The following CERT1 variants were observed in gnomAD, a reference collection of about 807,000 sequenced individuals.
The protein encoded by CERT1 is ceramide transporter 1.
Under a neutral mutation model 87.9 loss-of-function variants are expected in CERT1, and 31 were observed. That is an observed-to-expected ratio of 0.35 (90% confidence interval 0.27 to 0.48). The LOEUF (loss-of-function observed/expected upper bound fraction) is 0.48, where lower values mean the gene tolerates loss of function less well. Among genes scored for constraint, CERT1 ranks in the 20% least tolerant of loss-of-function variants. CERT1 has a pLI of 0.99. For synonymous variants in CERT1, 289 were observed against 250.9 expected (o/e 1.15, Z -1.44); for missense variants, 487 against 758.0 (o/e 0.64, Z 4.20).
intron 3 of CERT1, among the ~76,000 whole-genome samples, chr5:75,432,611 T>G (rs146202969): frequency 1.5e-3 from 222 of 152,348 alleles, no homozygotes; most frequent in Non-Finnish European, 2.2e-3. Flanking sequence ...AGACCTTTGT[T>G]GTATGCATAG....
intron 2 of CERT1, among the ~76,000 whole-genome samples, chr5:75,486,319 C>T (rs563944396): frequency 6.6e-6 from 1 of 152,036 alleles, no homozygotes; most frequent in Non-Finnish European, 1.5e-5. Flanking sequence ...AAAACCCTCA[C>T]AAAACTGGGC....
chr5:75,511,779 G>T (rs757993663), upstream of CERT1: 2 of 1,551,384 alleles, frequency 1.3e-6, no homozygotes, highest in East Asian at 2.4e-5. Context: ...CCCGGGTGAC[G>T]ACGGGTAGAA....
Position 75,386,003 on chromosome 5 carries a change from A to C in CERT1, c.1316T>G (p.Ile439Ser), listed in dbSNP as rs1761770211. 1.3e-6 allele frequency: 2 copies of C among 1,582,862 alleles called. No homozygotes were observed. The highest frequency in any genetic ancestry group is 1.7e-6 in the Non-Finnish European group (2 of 1,164,658). ...GGTAGCTTTTAAAGGATCCAGAACA[A>C]TCCCATTTTCTTCTACTTCTCTTCT... ...VYRREVEENGIVLDPLKATHA... is the reference protein window; with the variant it reads ...VYRREVEENGSVLDPLKATHA... The change falls in exon 13 of 17, where the codon ATT becomes AGT. Residue 439 changes from isoleucine (I) to serine (S), a missense_variant. Physicochemically the swap from Ile to Ser is moderately radical, Grantham distance 142. This residue lies in a region of CERT1 where 147 missense variants were observed against 200.8 expected (regional missense o/e 0.73). Transcript: ENST00000643780.
Position 75,511,514 on chromosome 5 carries a change from C to A in CERT1, c.-307G>T. The A allele has an allele frequency of 1.4e-6, 2 of 1,473,414 alleles. No individual in the cohort carries two copies. The highest frequency in any genetic ancestry group is 1.8e-6 in the Non-Finnish European group (2 of 1,113,890). The allele number at this position is 1,473,414 out of a possible 1,614,324, so 91.3% of individuals were successfully genotyped here. A position where few individuals can be genotyped will look rare whatever the true frequency, so the allele number is the denominator to read the frequency against. ...CACCCGAACTTAGCCCCCTCGATGCCAATTTCAAATAGGGAAGGAAAAGGG... is the reference window on the plus strand; with the variant it reads ...CACCCGAACTTAGCCCCCTCGATGCAAATTTCAAATAGGGAAGGAAAAGGG... On this transcript the variant is annotated 5_prime_UTR_variant, in exon 1 of 17. Coordinates refer to ENST00000643780, the MANE Select transcript of CERT1 (RefSeq NM_001379029.1).
chr5:75,480,100 C>A (rs1172271502), intron 2 of CERT1, among the ~76,000 whole-genome samples: 1 of 152,074 alleles, frequency 6.6e-6, no homozygotes, highest in African/African-American at 2.4e-5. Flanking sequence ...CTAGACAACC[C>A]CTTGGCCCTT....
Position 75,386,149 on chromosome 5 carries a change from G to T in CERT1, c.1285-115C>A, listed in dbSNP as rs75952141. On this transcript the variant is annotated intron_variant, in intron 12 of 16. Coordinates refer to ENST00000643780, the MANE Select transcript of CERT1 (RefSeq NM_001379029.1). ...AGATTTTTATGAAAGTCTATTTATA[G>T]AACATATTCTGCTAAAAGAAAATTA... 4.4e-3 allele frequency: 3,371 copies of T among 764,086 alleles called. 92 individuals carry two copies. The African/African-American group carries it at 0.055, about 12-fold the overall frequency. The allele number at this position is 764,086 out of a possible 1,614,324, so 47.3% of individuals were successfully genotyped here.
At chr5:75,461,099 T>C (rs1160415588) in intron 2 of CERT1, among the ~76,000 whole-genome samples, 1 of 152,178 alleles carries the variant, frequency 6.6e-6, no homozygotes, top group Non-Finnish European at 1.5e-5. Flanking sequence ...TGAGAATAGC[T>C]TCTTGGAGGA....
At chr5:75,450,775 C>A (rs1764739223) in intron 3 of CERT1, among the ~76,000 whole-genome samples, 1 of 152,140 alleles carries the variant, frequency 6.6e-6, no homozygotes, top group Admixed American at 6.5e-5. Flanking sequence ...TTGAATCCAC[C>A]AATGACCTTG....
intron 2 of CERT1, among the ~76,000 whole-genome samples, chr5:75,460,957 C>T (rs1765199354): frequency 6.6e-6 from 1 of 152,132 alleles, no homozygotes; most frequent in Admixed American, 6.5e-5. Flanking sequence ...AAGGGAAAAA[C>T]AATGCATATC....
intron 3 of CERT1, among the ~76,000 whole-genome samples, chr5:75,450,402 T>C (rs973871749): frequency 2.0e-5 from 3 of 152,166 alleles, no homozygotes; most frequent in Non-Finnish European, 4.4e-5. Flanking sequence ...TAACAGCACA[T>C]GGCAGAGAGT....
At chr5:75,389,554 A>G in intron 12 of CERT1, 38 bp downstream of exon 12, 1 of 1,477,236 alleles carries the variant, frequency 6.8e-7, no homozygotes. Context: ...TGAAACAGAG[A>G]CGCCTTTGGC....
chr5:75,426,699 C>T (rs1763633872), intron 3 of CERT1, among the ~76,000 whole-genome samples: 2 of 152,138 alleles, frequency 1.3e-5, no homozygotes, highest in East Asian at 3.9e-4. Flanking sequence ...CTAGTGGTCA[C>T]AAAGACTGTT....
intron 3 of CERT1, among the ~76,000 whole-genome samples, chr5:75,449,111 C>G (rs1764673571): frequency 6.6e-6 from 1 of 152,096 alleles, no homozygotes; most frequent in Non-Finnish European, 1.5e-5. Flanking sequence ...AAATAATTAA[C>G]AAATTCATAG....
At chr5:75,384,995 T>C (rs1293165153) in intron 13 of CERT1, among the ~76,000 whole-genome samples, 7 of 152,166 alleles carry the variant, frequency 4.6e-5, no homozygotes, top group Non-Finnish European at 8.8e-5. Context: ...CAGGCACAAA[T>C]AATTCCCTAA....
At chr5:75,386,316 C>CCAAA (rs142331231) in intron 12 of CERT1, among the ~76,000 whole-genome samples, 12,602 of 152,178 alleles carry the variant, frequency 0.083, 614 homozygotes, top group South Asian at 0.17. Context: ...GCATTATTTA[C>CCAAA]CATTCTCAAA....
chr5:75,374,659 A>G (rs1449920234), downstream of CERT1: 16 of 637,356 alleles, frequency 2.5e-5, no homozygotes, highest in African/African-American at 1.8e-5. Context: ...GTGCTTCCCA[A>G]GCTGTTATGT....
chr5:75,399,899 G>C (rs1363922280), intron 10 of CERT1, among the ~76,000 whole-genome samples: 1 of 152,196 alleles, frequency 6.6e-6, no homozygotes, highest in East Asian at 1.9e-4. Flanking sequence ...AGCACTCTGG[G>C]AGGCTGAGGT....
At chr5:75,415,950 C>T (rs1326623043) in intron 7 of CERT1, among the ~76,000 whole-genome samples, 1 of 152,172 alleles carries the variant, frequency 6.6e-6, no homozygotes, top group Non-Finnish European at 1.5e-5. Context: ...ATGGCTTACT[C>T]TCACCTGCAC....
intron 11 of CERT1, 123 bp downstream of exon 11, chr5:75,399,187 T>A (rs1762372833): frequency 1.4e-6 from 1 of 704,758 alleles, no homozygotes; most frequent in African/African-American, 1.8e-5. Flanking sequence ...TAATGCTTAA[T>A]GTTACTATTT....
Sources: allele counts gnomAD v4.1 joint callset (sites outside exome capture counted in the v4.1 genomes callset), GRCh38; gene constraint gnomAD v4.1.1; regional missense constraint gnomAD v4.1.1; transcripts MANE v1.5; gene names NCBI Gene and HGNC (gene_info 2026-07-23, HGNC 2026-07-21).